The following LGR4 variants were observed in gnomAD, a reference collection of about 807,000 sequenced individuals.
The protein encoded by LGR4 is leucine rich repeat containing G protein-coupled receptor 4.
Under a neutral mutation model 84.8 loss-of-function variants are expected in LGR4, and 44 were observed. The observed-to-expected ratio is 0.52, with a 90% CI of 0.41 to 0.67. The LOEUF is 0.67. LGR4 is among the 30% of genes least tolerant of loss of function. The pLI, the probability that LGR4 is intolerant of heterozygous loss-of-function variation, is 0.00. For synonymous variants in LGR4, 429 were observed against 434.3 expected (o/e 0.99, Z 0.15); for missense variants, 1,032 against 1,131.4 (o/e 0.91, Z 1.26).
intron 1 of LGR4, among the ~76,000 whole-genome samples, chr11:27,429,712 T>C (rs556272337): frequency 6.6e-6 from 1 of 152,316 alleles, no homozygotes; most frequent in African/African-American, 2.4e-5. Flanking sequence ...AAAAGTTTTT[T>C]CCCTTATTTT....
At chr11:27,438,609 A>T (rs889351449) in intron 1 of LGR4, among the ~76,000 whole-genome samples, 1 of 152,210 alleles carries the variant, frequency 6.6e-6, no homozygotes, top group Non-Finnish European at 1.5e-5. Context: ...TGATCATTGT[A>T]ATCAGTAAAC....
chr11:27,386,214 A>T (rs970800922), intron 4 of LGR4, among the ~76,000 whole-genome samples: 1 of 152,208 alleles, frequency 6.6e-6, no homozygotes, highest in Non-Finnish European at 1.5e-5. Context: ...AATTAAGAAC[A>T]CCTTACTAAT....
Position 27,368,899 on chromosome 11 carries a change from A to G in LGR4, c.1824T>C (p.Phe608=), listed in dbSNP as rs1862828354. ...DAVSWGRFAE[F]GIWWETGSGC... ...CACTGCCAGTTTCCCACCAAATGCCAAATTCAGCGAATCTGCCCCAGGACA... is the reference window on the plus strand; with the variant it reads ...CACTGCCAGTTTCCCACCAAATGCCGAATTCAGCGAATCTGCCCCAGGACA... Residue 608 remains phenylalanine, a synonymous_variant, in exon 18 of 18, where the codon TTT becomes TTC. Coordinates refer to ENST00000379214, the MANE Select transcript of LGR4 (RefSeq NM_018490.5). 6.2e-7 allele frequency: 1 copy of G among 1,614,100 alleles called. No homozygotes were observed. Among genetic ancestry groups the G allele is most frequent in the Admixed American group, 1.7e-5 (1 of 59,996 alleles).
At chr11:27,402,439 C>G (rs1014832996) in intron 2 of LGR4, among the ~76,000 whole-genome samples, 1 of 152,110 alleles carries the variant, frequency 6.6e-6, no homozygotes, top group Non-Finnish European at 1.5e-5. Flanking sequence ...GGGTTCTTGA[C>G]GACGTGGCTG....
chr11:27,435,202 G>C (rs778294489), intron 1 of LGR4, among the ~76,000 whole-genome samples: 1 of 151,820 alleles, frequency 6.6e-6, no homozygotes, highest in African/African-American at 2.4e-5. Context: ...GCATGGTGAC[G>C]CACGCCTGTA....
At chr11:27,400,625 C>T (rs1863481614) in intron 2 of LGR4, among the ~76,000 whole-genome samples, 1 of 151,586 alleles carries the variant, frequency 6.6e-6, no homozygotes, top group African/African-American at 2.4e-5. Flanking sequence ...GCCTCAGCCT[C>T]TTGAGTAGCT....
chr11:27,431,712 G>T (rs1168633311), intron 1 of LGR4, among the ~76,000 whole-genome samples: 1 of 152,104 alleles, frequency 6.6e-6, no homozygotes, highest in Non-Finnish European at 1.5e-5. Context: ...TCCATCCAAA[G>T]AACTTACTAA....
chr11:27,429,697 G>T (rs1864084049), intron 1 of LGR4, among the ~76,000 whole-genome samples: 1 of 152,162 alleles, frequency 6.6e-6, no homozygotes, highest in Admixed American at 6.5e-5. Context: ...TATTAACCAT[G>T]ACTAAAAAGT....
Position 27,380,881 on chromosome 11 carries a change from T to C in LGR4, c.830+14A>G, listed in dbSNP as rs752663212. ...CATAATTATACATTAAAAGAAACTT[T>C]CAAAAATACTTACATAGTTCTTAAG... On this transcript the variant is annotated intron_variant, in intron 8 of 17. Transcript: ENST00000379214. 2.0e-5 allele frequency: 30 copies of C among 1,480,318 alleles called. No homozygotes were observed. The highest frequency in any genetic ancestry group is 3.5e-4 in the Middle Eastern group (2 of 5,784). The allele number at this position is 1,480,318 out of a possible 1,614,324, so 91.7% of individuals were successfully genotyped here.
At chr11:27,447,136 T>C (rs538694252) in intron 1 of LGR4, among the ~76,000 whole-genome samples, 1 of 152,102 alleles carries the variant, frequency 6.6e-6, no homozygotes, top group South Asian at 2.1e-4. Context: ...TATACATATG[T>C]AACAAACCTG....
intron 13 of LGR4, among the ~76,000 whole-genome samples, chr11:27,374,531 G>A (rs1247744120): frequency 1.3e-5 from 2 of 152,080 alleles, no homozygotes; most frequent in Non-Finnish European, 2.9e-5. Context: ...TCCTAAGCAC[G>A]ATATAAAAAT....
intron 2 of LGR4, among the ~76,000 whole-genome samples, chr11:27,398,943 G>T (rs1173329208): frequency 1.3e-5 from 2 of 151,740 alleles, no homozygotes; most frequent in African/African-American, 2.4e-5. Context: ...TTTCATTCTT[G>T]TTGCCCAGGC....
chr11:27,379,742 C>A (rs574939110), intron 10 of LGR4, among the ~76,000 whole-genome samples: 1 of 152,166 alleles, frequency 6.6e-6, no homozygotes, highest in African/African-American at 2.4e-5. Flanking sequence ...AAATGTGCAA[C>A]GTTCAAAGCT....
chr11:27,368,722 A>C lies in LGR4; in HGVS notation c.2001T>G (p.Leu667=). 1 of 1,613,682 alleles carries C rather than the reference A, an allele frequency of 6.2e-7. No individual in the cohort carries two copies. Among genetic ancestry groups the C allele is most frequent in the Non-Finnish European group, 8.5e-7 (1 of 1,179,834 alleles). Residue 667 remains leucine, a synonymous_variant, in exon 18 of 18, where the codon CTT becomes CTG. Transcript: ENST00000379214. ...NHLKQFRVAA[L]LAFLGATVAG... ...CTACTGTAGCACCTAGGAAAGCCAA[A>C]AGGGCAGCAACCCGGAACTGTTTGA...
intron 1 of LGR4, among the ~76,000 whole-genome samples, chr11:27,416,392 T>C (rs1469274526): frequency 2.6e-5 from 4 of 152,314 alleles, no homozygotes; most frequent in African/African-American, 9.6e-5. Flanking sequence ...ACCTTATAGA[T>C]TGATGTGAAG....
chr11:27,436,918 T>C (rs1479050363), intron 1 of LGR4, among the ~76,000 whole-genome samples: 2 of 152,020 alleles, frequency 1.3e-5, no homozygotes, highest in African/African-American at 4.8e-5. Context: ...GAGGGGGTGT[T>C]GAAGGGAGAT....
chr11:27,463,603 T>C (rs935224971), intron 1 of LGR4, among the ~76,000 whole-genome samples: 4 of 151,932 alleles, frequency 2.6e-5, no homozygotes, highest in East Asian at 1.9e-4. Flanking sequence ...CTGGCCAACA[T>C]GGTGAAACCC....
Position 27,416,254 on chromosome 11 carries a change from G to A in LGR4, c.186-3394C>T, listed in dbSNP as rs145810800. 3.4e-3 allele frequency among the ~76,000 whole-genome samples: 519 copies of A among 152,216 alleles called. 3 individuals carry two copies. The highest frequency in any genetic ancestry group is 0.012 in the African/African-American group (485 of 41,542). ...GAGCTGATGGCCTTACTGGGAGTAC[G>A]GGCTTTGGCGCCAGACAGACCAAGG... On this transcript the variant is annotated intron_variant, in intron 1 of 17. Transcript: ENST00000379214.
intron 1 of LGR4, among the ~76,000 whole-genome samples, chr11:27,455,865 T>C (rs1428178039): frequency 1.3e-5 from 2 of 152,218 alleles, no homozygotes; most frequent in Non-Finnish European, 2.9e-5. Context: ...TCACTTGCCA[T>C]GGTTTCTCCA....
Sources: allele counts gnomAD v4.1 joint callset (sites outside exome capture counted in the v4.1 genomes callset), GRCh38; gene constraint gnomAD v4.1.1; transcripts MANE v1.5; gene names NCBI Gene and HGNC (gene_info 2026-07-23, HGNC 2026-07-21).